The following RAD51B variants were observed in gnomAD, a reference collection of about 807,000 sequenced individuals.
RAD51B encodes DNA repair protein RAD51 homolog 2.
A neutral mutation model predicts 42.2 loss-of-function variants in RAD51B; 38 were observed. That is an observed-to-expected ratio of 0.90 (90% CI 0.70 to 1.18). The LOEUF is 1.18. Among genes scored for constraint, RAD51B ranks in the 50% most tolerant of loss-of-function variants. The pLI is 0.00. For missense variants in RAD51B, 373 were observed against 400.7 expected (o/e 0.93, Z 0.59); for synonymous variants, 154 against 145.2 (o/e 1.06, Z -0.43).
At chr14:68,643,510 C>T (rs1277098131) in intron 10 of RAD51B, among the ~76,000 whole-genome samples, 1 of 152,102 alleles carries the variant, frequency 6.6e-6, no homozygotes, top group Non-Finnish European at 1.5e-5. Context: ...GGATAAAGAT[C>T]CAGATCCCTC....
intron 7 of RAD51B, among the ~76,000 whole-genome samples, chr14:67,927,795 T>TACA (rs1566962768): frequency 8.8e-4 from 127 of 144,834 alleles, no homozygotes; most frequent in African/African-American, 3.6e-3. Context: ...AATGTGTGTG[T>TACA]CTTTTATGGT....
chr14:68,375,593 G>T (rs2083352333), intron 8 of RAD51B, among the ~76,000 whole-genome samples: 1 of 151,876 alleles, frequency 6.6e-6, no homozygotes, highest in Admixed American at 6.6e-5. Flanking sequence ...GTAACTAACT[G>T]ATTATTTGTG....
chr14:68,282,024 T>C (rs1156553884), intron 7 of RAD51B, among the ~76,000 whole-genome samples: 3 of 151,584 alleles, frequency 2.0e-5, no homozygotes, highest in Non-Finnish European at 4.4e-5. Flanking sequence ...TCTTGTTGCC[T>C]AGGCTGGAGT....
chr14:68,451,898 G>A (rs1347405805), intron 9 of RAD51B, among the ~76,000 whole-genome samples: 2 of 152,208 alleles, frequency 1.3e-5, no homozygotes, highest in East Asian at 1.9e-4. Context: ...AAAGTCCCGT[G>A]TGGTCCAAGC....
At chr14:67,931,710 C>T (rs2044745388) in intron 7 of RAD51B, among the ~76,000 whole-genome samples, 1 of 151,964 alleles carries the variant, frequency 6.6e-6, no homozygotes, top group African/African-American at 2.4e-5. Context: ...ACCATGTTGG[C>T]CAGGCTGGTC....
chr14:68,031,222 G>A (rs374589301), intron 7 of RAD51B, among the ~76,000 whole-genome samples: 2 of 152,266 alleles, frequency 1.3e-5, no homozygotes, highest in East Asian at 3.9e-4. Context: ...TGGCAGGCAG[G>A]CAAAAAGAGA....
At chr14:68,064,199 T>G (rs1377329141) in intron 7 of RAD51B, among the ~76,000 whole-genome samples, 1 of 152,216 alleles carries the variant, frequency 6.6e-6, no homozygotes, top group Non-Finnish European at 1.5e-5. Context: ...TCTTCCTTAT[T>G]TCTATAGAAT....
intron 9 of RAD51B, among the ~76,000 whole-genome samples, chr14:68,413,387 T>C (rs1176016832): frequency 6.6e-6 from 1 of 152,212 alleles, no homozygotes. Context: ...GATGGGTCAG[T>C]CATGTTATCT....
At chr14:67,908,298 T>G (rs1435408311) in intron 7 of RAD51B, 1 of 152,154 alleles carries the variant, frequency 6.6e-6, no homozygotes, top group Non-Finnish European at 1.5e-5. Context: ...AGGTATGGGC[T>G]TTGAGACTTC....
intron 7 of RAD51B, among the ~76,000 whole-genome samples, chr14:68,177,429 G>A (rs1461490900): frequency 6.6e-6 from 1 of 152,116 alleles, no homozygotes; most frequent in Admixed American, 6.5e-5. Flanking sequence ...AATTATACAT[G>A]CTTTACTGAT....
chr14:68,149,256 A>G (rs1237631672), intron 7 of RAD51B, among the ~76,000 whole-genome samples: 1 of 152,048 alleles, frequency 6.6e-6, no homozygotes, highest in African/African-American at 2.4e-5. Flanking sequence ...TTTAAGTGTT[A>G]TATTCAAACT....
At position 68,653,856 on chromosome 14, in the gene RAD51B, A is replaced by G. The variant is rs193255581; in HGVS notation, c.*11+3000A>G. ...GAGAGAGGATATTCTTGGCAGAGAA[A>G]CAGCATGTGCAAAGGCACAGGGGTA... On this transcript the variant is annotated intron_variant, in intron 11 of 11. Transcript: ENST00000488612. Among the ~76,000 whole-genome samples the G allele has an allele frequency of 2.1e-4, 32 of 152,372 alleles. No homozygotes were observed. The East Asian group carries it at 5.8e-3, about 28-fold the overall frequency.
intron 7 of RAD51B, among the ~76,000 whole-genome samples, chr14:68,180,914 G>T (rs2094326): frequency 0.014 from 2,195 of 152,326 alleles, 61 homozygotes; most frequent in African/African-American, 0.05. Flanking sequence ...TTTTCATACA[G>T]ATTGGGGGAA....
At chr14:67,885,432 T>C (rs2043033054) in intron 5 of RAD51B, among the ~76,000 whole-genome samples, 1 of 152,242 alleles carries the variant, frequency 6.6e-6, no homozygotes, top group African/African-American at 2.4e-5. Context: ...TGAGAAAGTG[T>C]ATTTTTCTGG....
At chr14:68,673,823 CAT>C (rs1566969681) in intron 11 of RAD51B, among the ~76,000 whole-genome samples, 2 of 151,698 alleles carry the variant, frequency 1.3e-5, no homozygotes, top group African/African-American at 4.9e-5. Flanking sequence ...CACACATACA[CAT>C]ACTGTACATA....
rs557951844 is a variant in RAD51B at position 68,432,845 on chromosome 14, G to A, written c.957+21318G>A. 4.6e-5 allele frequency among the ~76,000 whole-genome samples: 7 copies of A among 152,284 alleles called. No individual in the cohort carries two copies. The East Asian group carries it at 7.7e-4, about 17-fold the overall frequency. On this transcript the variant is annotated intron_variant, in intron 9 of 10. Transcript: ENST00000471583. ...GTTGATGCAGTTTCTTCCTGGCATC[G>A]ATGGTCTTTACAATTTGGCGTGCTT...
At chr14:67,951,771 A>G (rs1178110311) in intron 7 of RAD51B, among the ~76,000 whole-genome samples, 1 of 152,194 alleles carries the variant, frequency 6.6e-6, no homozygotes, top group Admixed American at 6.6e-5. Flanking sequence ...ATGTGGCTGC[A>G]AAGTTGTTAA....
chr14:68,103,019 A>G (rs932690050), intron 7 of RAD51B, among the ~76,000 whole-genome samples: 1 of 152,114 alleles, frequency 6.6e-6, no homozygotes, highest in African/African-American at 2.4e-5. Context: ...AAACCATCAG[A>G]TCATGTGAGA....
chr14:68,441,271 G>T (rs113521269), intron 9 of RAD51B, among the ~76,000 whole-genome samples: 1 of 151,666 alleles, frequency 6.6e-6, no homozygotes, highest in Non-Finnish European at 1.5e-5. Flanking sequence ...GGCCAGGCAC[G>T]GTGGCTCACG....
Sources: gnomAD v4.1 joint callset for allele counts (sites outside exome capture counted in the v4.1 genomes callset) on GRCh38, gnomAD v4.1.1 for gene constraint, MANE v1.5 for transcripts, NCBI Gene and HGNC (gene_info 2026-07-23, HGNC 2026-07-21) for gene names.